Variants in RAB11FIP4 observed in about 807,000 individuals in gnomAD.
RAB11FIP4 encodes RAB11 family interacting protein 4.
A neutral mutation model predicts 74.3 loss-of-function variants in RAB11FIP4; 23 were observed. The ratio of observed to expected loss-of-function variants is 0.31; its 90% CI spans 0.22 to 0.44. RAB11FIP4 has a LOEUF of 0.44. Ranked by LOEUF, RAB11FIP4 falls within the 20% of genes least tolerant of loss-of-function variation. The probability of loss-of-function intolerance (pLI) is 1.00; values close to 1 mark genes in which losing one functional copy is unlikely to be tolerated. For missense variants in RAB11FIP4, 630 were observed against 863.9 expected, an observed-to-expected ratio of 0.73 and a Z score of 3.39; for synonymous variants, 360 against 359.9, an observed-to-expected ratio of 1.00 and a Z score of 0.00.
At chr17:31,428,191 A>G (rs565919320) in intron 1 of RAB11FIP4, among the ~76,000 whole-genome samples, 140 of 152,360 alleles carry the variant, frequency 9.2e-4, no homozygotes, top group African/African-American at 3.2e-3. Flanking sequence ...CTCACCTTCC[A>G]AAGCCCACTG....
chr17:31,503,898 G>C (rs889481166), intron 3 of RAB11FIP4, among the ~76,000 whole-genome samples: 1 of 149,588 alleles, frequency 6.7e-6, no homozygotes, highest in Non-Finnish European at 1.5e-5. Context: ...CAAAAGATCC[G>C]AATAGACATT....
At chr17:31,434,212 C>A (rs549902051) in intron 3 of RAB11FIP4, 90 bp downstream of exon 3, 19 of 1,039,468 alleles carry the variant, frequency 1.8e-5, no homozygotes, top group Non-Finnish European at 2.7e-5. Flanking sequence ...CTGGGAGGAC[C>A]CAGAACCTCC....
Position 31,413,556 on chromosome 17 carries a change from G to A in RAB11FIP4, c.160-18257G>A, listed in dbSNP as rs542338156. Among the ~76,000 whole-genome samples the A allele has an allele frequency of 1.1e-4, 17 of 148,190 alleles. No homozygotes were observed. In the East Asian group the frequency reaches 3.2e-3, roughly 28 times the overall value. On this transcript the variant is annotated intron_variant, in intron 1 of 14. Transcript: ENST00000621161. The stretch of plus-strand genomic sequence containing the variant: ...TCGAGCACCTCTACGGCCTGGCCTT[G>A]GCTACCCTCTCCCTCCTCCCTCCCT...
intron 3 of RAB11FIP4, among the ~76,000 whole-genome samples, chr17:31,492,593 C>T (rs968451011): frequency 6.6e-6 from 1 of 152,176 alleles, no homozygotes; most frequent in Non-Finnish European, 1.5e-5. Flanking sequence ...GAGAAGGTGC[C>T]CCCAGAAGCC....
intron 3 of RAB11FIP4, among the ~76,000 whole-genome samples, chr17:31,459,403 G>A (rs2071613067): frequency 6.6e-6 from 1 of 152,080 alleles, no homozygotes; most frequent in South Asian, 2.1e-4. Flanking sequence ...TTGATCACTA[G>A]ATTCTTAACT....
Position 31,450,750 on chromosome 17 carries a change from A to G in RAB11FIP4, c.336+16628A>G, listed in dbSNP as rs1036483048. Among the ~76,000 whole-genome samples, 7 of 148,772 alleles carry G rather than the reference A, an allele frequency of 4.7e-5. No individual in the cohort carries two copies. In the East Asian group the frequency reaches 1.4e-3, roughly 29 times the overall value. On this transcript the variant is annotated intron_variant, in intron 3 of 14. Coordinates refer to ENST00000621161, the MANE Select transcript of RAB11FIP4 (RefSeq NM_032932.6). ...TTACCCTGAGGGCTCCCAAGATAGT[A>G]TTTTCCCCTCCGACATTGCCTTCGG...
At chr17:31,509,279 T>TG (rs2072409963) in intron 3 of RAB11FIP4, 1 of 20,124 alleles carries the variant, frequency 5.0e-5, no homozygotes, top group East Asian at 2.0e-3. Flanking sequence ...GCCTGCTTGC[T>TG]TCTCATGTGA....
At chr17:31,491,464 A>G (rs2072007125) in intron 3 of RAB11FIP4, among the ~76,000 whole-genome samples, 1 of 152,152 alleles carries the variant, frequency 6.6e-6, no homozygotes, top group Non-Finnish European at 1.5e-5. Context: ...AAGAGCAGGG[A>G]AGGGGAGGGA....
chr17:31,489,542 G>A (rs1375894531), intron 3 of RAB11FIP4, among the ~76,000 whole-genome samples: 3 of 152,250 alleles, frequency 2.0e-5, no homozygotes, highest in African/African-American at 2.4e-5. Context: ...ACCTTACCCT[G>A]CTTTCTGGCT....
At chr17:31,478,107 C>T (rs1250464633) in intron 3 of RAB11FIP4, among the ~76,000 whole-genome samples, 1 of 151,948 alleles carries the variant, frequency 6.6e-6, no homozygotes, top group Non-Finnish European at 1.5e-5. Context: ...ATTCCCCTGC[C>T]TCAGCTTCCT....
intron 3 of RAB11FIP4, among the ~76,000 whole-genome samples, chr17:31,489,605 CTGCCTTCAAGGTGT>C (rs1567673361): frequency 6.6e-6 from 1 of 152,194 alleles, no homozygotes; most frequent in African/African-American, 2.4e-5. Context: ...GGACACTTCC[CTGCCTTCAAGGTGT>C]TTGCAAGCTC....
chr17:31,516,555 C>T (rs534032487), intron 3 of RAB11FIP4, among the ~76,000 whole-genome samples: 3 of 152,350 alleles, frequency 2.0e-5, no homozygotes, highest in East Asian at 3.9e-4. Context: ...CCGCAAGCTC[C>T]GCCTCCTAGG....
chr17:31,411,811 C>T (rs2071099237), intron 1 of RAB11FIP4, among the ~76,000 whole-genome samples: 4 of 152,236 alleles, frequency 2.6e-5, no homozygotes, highest in Admixed American at 2.6e-4. Context: ...CCTGGGGGTG[C>T]CTCCCATGAG....
chr17:31,464,787 G>A (rs868834812), intron 3 of RAB11FIP4, among the ~76,000 whole-genome samples: 11 of 93,660 alleles, frequency 1.2e-4, no homozygotes, highest in South Asian at 3.5e-4. Context: ...TTGAGACAAG[G>A]TCTTTCTCTG....
intron 3 of RAB11FIP4, among the ~76,000 whole-genome samples, chr17:31,445,417 A>G (rs996468697): frequency 6.6e-6 from 1 of 151,192 alleles, no homozygotes; most frequent in Admixed American, 6.6e-5. Flanking sequence ...ATACTTGGCC[A>G]TTCCTAAGAA....
At chr17:31,511,770 G>C (rs1331817407) in intron 3 of RAB11FIP4, among the ~76,000 whole-genome samples, 1 of 152,234 alleles carries the variant, frequency 6.6e-6, no homozygotes, top group Non-Finnish European at 1.5e-5. Context: ...CCACTCTGAG[G>C]CTGGGACGGC....
intron 3 of RAB11FIP4, among the ~76,000 whole-genome samples, chr17:31,475,708 G>A (rs1332287819): frequency 2.0e-5 from 3 of 151,998 alleles, no homozygotes; most frequent in Non-Finnish European, 2.9e-5. Context: ...CAAACAAGGC[G>A]ACAAGCGGCC....
At chr17:31,489,399 C>G (rs899906505) in intron 3 of RAB11FIP4, among the ~76,000 whole-genome samples, 6 of 152,172 alleles carry the variant, frequency 3.9e-5, no homozygotes, top group Middle Eastern at 3.4e-3. Flanking sequence ...TGCCACTAGA[C>G]CTCTGCAATG....
chr17:31,428,749 CT>C (rs1366700917), intron 1 of RAB11FIP4, among the ~76,000 whole-genome samples: 1 of 152,046 alleles, frequency 6.6e-6, no homozygotes, highest in Non-Finnish European at 1.5e-5. Context: ...TGTGGGAGGG[CT>C]GCCACTAAGT....
Sources: gnomAD v4.1 joint callset for allele counts (sites outside exome capture counted in the v4.1 genomes callset) on GRCh38, gnomAD v4.1.1 for gene constraint, MANE v1.5 for transcripts, NCBI Gene and HGNC (gene_info 2026-07-23, HGNC 2026-07-21) for gene names.